Variants in SETX observed in about 807,000 individuals in gnomAD.
SETX encodes senataxin, also known as helicase senataxin.
In SETX, 90 loss-of-function variants were observed where a neutral mutation model predicts 227.2. The ratio of observed to expected loss-of-function variants is 0.40; its 90% CI spans 0.33 to 0.47. The LOEUF is 0.47. Among genes scored for constraint, SETX ranks in the 20% least tolerant of loss-of-function variants. SETX has a pLI of 0.91. For missense variants in SETX, 3,052 were observed against 3,181.5 expected, an observed-to-expected ratio of 0.96 and a Z score of 0.98; for synonymous variants, 1,210 against 1,113.2, an observed-to-expected ratio of 1.09 and a Z score of -1.73.
At chr9:132,266,510 G>A (rs1295812157) in intron 25 of SETX, among the ~76,000 whole-genome samples, 1 of 152,154 alleles carries the variant, frequency 6.6e-6, no homozygotes, top group Non-Finnish European at 1.5e-5. Flanking sequence ...AGTGGCTCAT[G>A]CCTGTAATCC....
At chr9:132,267,637 T>C (rs1301946944) in intron 25 of SETX, among the ~76,000 whole-genome samples, 2 of 152,234 alleles carry the variant, frequency 1.3e-5, no homozygotes. Context: ...TTCTCGTCTG[T>C]CTCTTTTTGT....
intron 12 of SETX, among the ~76,000 whole-genome samples, chr9:132,300,104 T>C (rs1844900506): frequency 8.4e-6 from 1 of 118,418 alleles, no homozygotes; most frequent in South Asian, 2.6e-4. Context: ...CACTCTAGCC[T>C]GGACAACAAG....
Position 132,330,306 on chromosome 9 carries a change from T to G in SETX, c.1292A>C (p.Gln431Pro), listed in dbSNP as rs758923765. 1.2e-6 allele frequency: 2 copies of G among 1,607,438 alleles called. No homozygotes were observed. Among genetic ancestry groups the G allele is most frequent in the Admixed American group, 1.7e-5 (1 of 59,672 alleles). ...TTCAGAGTACAGATGATTAACAACC[T>G]GTGCTATGTAAGCCACACCCAAATC... ...LKDLGVAYIA[Q>P]VVNHLYSEVK... Residue 431 changes from glutamine (Q) to proline (P), a missense_variant, in exon 10 of 26, where the codon CAG becomes CCG. Gln to Pro is a moderately conservative substitution (Grantham distance 76). Coordinates refer to ENST00000224140, the MANE Select transcript of SETX (RefSeq NM_015046.7).
Position 132,329,018 on chromosome 9 carries a change from G to A in SETX, c.2580C>T (p.Asn860=). The change falls in exon 10 of 26, where the codon AAC becomes AAT. Residue 860 remains asparagine, a synonymous_variant. Coordinates refer to ENST00000224140, the MANE Select transcript of SETX (RefSeq NM_015046.7). ...DDKNGEQKSQ[N]NVLPKEKQLK... The stretch of plus-strand genomic sequence containing the variant: ...ATTGTTTCTCTTTTGGCAATACATT[G>A]TTTTGAGATTTTTGTTCTCCATTCT... The A allele has an allele frequency of 6.2e-7, 1 of 1,607,112 alleles. No individual in the cohort carries two copies. Among genetic ancestry groups the A allele is most frequent in the Non-Finnish European group, 8.5e-7 (1 of 1,177,388 alleles).
At chr9:132,272,828 C>T (rs12350499) in intron 23 of SETX, among the ~76,000 whole-genome samples, 25,565 of 152,084 alleles carry the variant, frequency 0.17, 2,638 homozygotes, top group East Asian at 0.43. Context: ...TCATCCCTTT[C>T]TTCATTAATA....
chr9:132,330,471 G>T lies in SETX; in HGVS notation c.1127C>A (p.Pro376Gln). Residue 376 changes from proline to glutamine, a missense_variant, in exon 10 of 26, where the codon CCA (proline) becomes CAA (glutamine). Pro to Gln is a moderately conservative substitution (Grantham distance 76). Transcript: ENST00000224140. ...KDSGWRTAIC[P>Q]DYCPNMYEEM... ...TTCATACATGTTAGGACAATAATCT[G>T]GGCAAATGGCTGTTCTCCATCCAGA... The T allele has an allele frequency of 6.2e-7, 1 of 1,613,402 alleles. No homozygotes were observed. The highest frequency in any genetic ancestry group is 1.1e-5 in the South Asian group (1 of 91,064).
intron 5 of SETX, among the ~76,000 whole-genome samples, chr9:132,336,977 A>T (rs1171058284): frequency 6.6e-6 from 1 of 152,122 alleles, no homozygotes; most frequent in Non-Finnish European, 1.5e-5. Flanking sequence ...GAGGCAGGAG[A>T]ATTGTTTGAA....
intron 7 of SETX, among the ~76,000 whole-genome samples, chr9:132,333,408 A>AATATAT (rs773749543): frequency 5.5e-5 from 4 of 72,232 alleles, no homozygotes; most frequent in African/African-American, 1.2e-4. Flanking sequence ...GAAAAAAAAA[A>AATATAT]ATATATATAC....
rs1329241900 is a variant in SETX at position 132,330,072 on chromosome 9, C to T, written c.1526G>A (p.Gly509Glu). The stretch of plus-strand genomic sequence containing the variant: ...CATTGCTGTTCCTTTGGAGCAATTT[C>T]CAGATGATTTCTCAGAACTCCGTGT... ...AFTRSSEKSS[G>E]NCSKGTAMIS... The change falls in exon 10 of 26, where the codon GGA (glycine) becomes GAA (glutamate). Residue 509 changes from glycine (G) to glutamate (E), a missense_variant. Physicochemically the swap from Gly to Glu is moderately conservative, Grantham distance 98. Around this residue, in one of 10 missense-constraint regions of SETX, gnomAD observed 179 missense variants for 197.1 expected, o/e 0.91. Transcript: ENST00000224140. 2 of 1,614,092 alleles carry T rather than the reference C, an allele frequency of 1.2e-6. No homozygotes were observed. The highest frequency in any genetic ancestry group is 2.7e-5 in the African/African-American group (2 of 74,934).
chr9:132,264,399 G>T lies in SETX; in HGVS notation c.7874C>A (p.Pro2625Gln). The change falls in exon 26 of 26, where the codon CCG becomes CAG. Residue 2625 changes from proline (P) to glutamine (Q), a missense_variant. This residue lies in a region of SETX where 294 missense variants were observed against 278.8 expected (regional missense o/e 1.05). Coordinates refer to ENST00000224140, the MANE Select transcript of SETX (RefSeq NM_015046.7). ...TCTCCTGTGACAGAGCTCCTCTTCCGGGTCATCACATTTGCTCTGACACGT... is the reference window on the plus strand; with the variant it reads ...TCTCCTGTGACAGAGCTCCTCTTCCTGGTCATCACATTTGCTCTGACACGT... ...ASTCQSKCDD[P>Q]EEELCHRREA... The T allele has an allele frequency of 2.5e-6, 4 of 1,614,054 alleles. No homozygotes were observed. Among genetic ancestry groups the T allele is most frequent in the Non-Finnish European group, 3.4e-6 (4 of 1,180,000 alleles).
At chr9:132,312,713 G>C (rs1314418674) in intron 10 of SETX, among the ~76,000 whole-genome samples, 3 of 152,166 alleles carry the variant, frequency 2.0e-5, no homozygotes, top group Admixed American at 6.5e-5. Flanking sequence ...TCTGGACCAT[G>C]ATAGTCATGA....
At chr9:132,292,858 C>T (rs1309977202) in intron 15 of SETX, among the ~76,000 whole-genome samples, 1 of 152,038 alleles carries the variant, frequency 6.6e-6, no homozygotes, top group Non-Finnish European at 1.5e-5. Context: ...AGGATGGTTT[C>T]GATCTCCTGA....
intron 23 of SETX, among the ~76,000 whole-genome samples, chr9:132,272,114 C>T (rs2131150558): frequency 6.6e-6 from 1 of 152,222 alleles, no homozygotes; most frequent in East Asian, 1.9e-4. Flanking sequence ...TCATGATCCG[C>T]CCGCCTCGGC....
At chr9:132,275,475 T>C (rs1843115901) in intron 22 of SETX, 55 bp from the exon 23 acceptor site, 8 of 1,460,624 alleles carry the variant, frequency 5.5e-6, no homozygotes, top group South Asian at 1.2e-5. Context: ...AGCAGGCTAA[T>C]TGCTAACTTA....
chr9:132,301,669 C>A (rs542966106), intron 11 of SETX, among the ~76,000 whole-genome samples: 1 of 152,150 alleles, frequency 6.6e-6, no homozygotes, highest in Non-Finnish European at 1.5e-5. Flanking sequence ...TAGGCTACAC[C>A]GCCTAGGTTC....
chr9:132,356,232 G>A (rs1848907809), upstream of SETX, among the ~76,000 whole-genome samples: 2 of 151,786 alleles, frequency 1.3e-5, no homozygotes, highest in African/African-American at 4.8e-5. Context: ...AGATGGAGTC[G>A]CGCTCTGTCA....
chr9:132,311,181 G>A (rs1211918881), intron 11 of SETX, among the ~76,000 whole-genome samples: 4 of 152,076 alleles, frequency 2.6e-5, no homozygotes, highest in East Asian at 3.9e-4. Flanking sequence ...TGGCCAGGAC[G>A]GTCTCGATCT....
chr9:132,335,135 A>G (rs1033835014), intron 6 of SETX, among the ~76,000 whole-genome samples: 17 of 152,018 alleles, frequency 1.1e-4, no homozygotes, highest in Non-Finnish European at 1.5e-4. Flanking sequence ...TCACACCTGT[A>G]ATCCCAGCAC....
intron 10 of SETX, among the ~76,000 whole-genome samples, chr9:132,325,226 A>G (rs762895419): frequency 2.0e-5 from 3 of 152,114 alleles, no homozygotes; most frequent in Non-Finnish European, 4.4e-5. Flanking sequence ...CGTGGTGGCG[A>G]GAGCCTATAG....
Sources: gnomAD v4.1 joint callset for allele counts (sites outside exome capture counted in the v4.1 genomes callset) on GRCh38, gnomAD v4.1.1 for gene constraint, gnomAD v4.1.1 regional missense constraint, MANE v1.5 for transcripts, NCBI Gene and HGNC (gene_info 2026-07-23, HGNC 2026-07-21) for gene names.